The following NFILZ variants were observed in gnomAD, a reference collection of about 807,000 sequenced individuals.
NFILZ encodes NFIL3 like protein.
chr19:8,666,912 CTTTTTTT>C (rs35846585), intron 3 of NFILZ, among the ~76,000 whole-genome samples: 3 of 128,200 alleles, frequency 2.3e-5, no homozygotes, highest in Non-Finnish European at 4.8e-5. Flanking sequence ...TTTTTGAAAA[CTTTTTTT>C]TTTTTTTTTT....
chr19:8,653,038 TTCTCTCTCTCTCTCTCTCTCTCTCTC>T (rs1163296485), intron 3 of NFILZ, among the ~76,000 whole-genome samples: 6 of 90,594 alleles, frequency 6.6e-5, no homozygotes, highest in African/African-American at 1.4e-4. Flanking sequence ...CTTTCTTTCT[TTCTCTCTCTCTCTCTCTCTCTCTCTC>T]TCTCTCTCTC....
rs563247740 is a variant in NFILZ, at chr19:8,676,422, C to A, written c.-50C>A. ...ATCTTACCTTGGAACTCCAATTGAA[C>A]TGAGCCCTGGGCTTGTCTGCTGACC... On this transcript the variant is annotated 5_prime_UTR_variant, in exon 5 of 6. It adds an upstream start codon to the 5' untranslated region. Transcript: ENST00000691075. Among the ~76,000 whole-genome samples, 9 of 152,344 alleles carry A rather than the reference C, an allele frequency of 5.9e-5. No homozygotes were observed. The South Asian group carries it at 8.3e-4, about 14-fold the overall frequency.
At chr19:8,662,774 T>A (rs1419179026) in intron 3 of NFILZ, among the ~76,000 whole-genome samples, 1 of 149,082 alleles carries the variant, frequency 6.7e-6, no homozygotes, top group Non-Finnish European at 1.5e-5. Flanking sequence ...GTAGCTGGGA[T>A]TACAGGCACC....
Position 8,632,505 on chromosome 19 carries a change from C to T in NFILZ, c.-381C>T, listed in dbSNP as rs1555745663. ...GAAGCCGGCCCAAACCCATCAAGAC[C>T]AAGATGATGACATGAGTGACCTCTG... On this transcript the variant is annotated 5_prime_UTR_variant, in exon 2 of 6. Transcript: ENST00000691075. 2 of 152,042 alleles carry T rather than the reference C, an allele frequency of 1.3e-5. No homozygotes were observed. The highest frequency in any genetic ancestry group is 2.9e-5 in the Non-Finnish European group (2 of 68,054). The allele number at this position is 152,042 out of a possible 1,614,324, so 9.4% of individuals were successfully genotyped here.
chr19:8,666,660 C>G (rs533585351), intron 3 of NFILZ, among the ~76,000 whole-genome samples: 83 of 152,086 alleles, frequency 5.5e-4, no homozygotes, highest in Non-Finnish European at 9.7e-4. Flanking sequence ...ATAAATTACT[C>G]TTATGACATT....
intron 3 of NFILZ, among the ~76,000 whole-genome samples, chr19:8,649,525 C>T (rs2042955984): frequency 6.6e-6 from 1 of 152,054 alleles, no homozygotes; most frequent in Non-Finnish European, 1.5e-5. Context: ...CCTTGGCCTC[C>T]CGAAGTGCTG....
chr19:8,640,813 A>C (rs1555746590), intron 3 of NFILZ, among the ~76,000 whole-genome samples: 1 of 152,188 alleles, frequency 6.6e-6, no homozygotes, highest in Non-Finnish European at 1.5e-5. Context: ...GCACCTTGCA[A>C]GGGGCAGGGG....
At position 8,678,912 on chromosome 19, in the gene NFILZ, G is replaced by A. The variant is rs2043131803; in HGVS notation, c.*1277G>A. On this transcript the variant is annotated 3_prime_UTR_variant, in exon 6 of 6. Transcript: ENST00000691075. Reference sequence around the variant, plus strand: ...GTCTTGGGTTTCCTGTCCTGGGGTAGGAATGGGTGTTTGGGAAGAAACATA... The same window carrying A: ...GTCTTGGGTTTCCTGTCCTGGGGTAAGAATGGGTGTTTGGGAAGAAACATA... 6.6e-6 allele frequency among the ~76,000 whole-genome samples: 1 copy of A among 152,184 alleles called. No homozygotes were observed.
At chr19:8,637,591 C>T (rs1287734649) in intron 3 of NFILZ, among the ~76,000 whole-genome samples, 2 of 134,202 alleles carry the variant, frequency 1.5e-5, no homozygotes, top group African/African-American at 2.8e-5. Flanking sequence ...CCAGCCTAGG[C>T]GACAGAGTGA....
In NFILZ at chr19:8,664,936, T is replaced by A. The variant is rs80140927; in HGVS notation, c.-163-9615T>A. Among the ~76,000 whole-genome samples, 327 of 152,204 alleles carry A rather than the reference T, an allele frequency of 2.1e-3. 6 individuals are homozygous for A. The East Asian group carries it at 0.056, about 26-fold the overall frequency. ...TATCAAGGCAACCTTGCTTGGTTAG[T>A]GAGCTGGAATTCTTACAAAATCCTT... On this transcript the variant is annotated intron_variant, in intron 3 of 5. Transcript: ENST00000691075.
intron 3 of NFILZ, among the ~76,000 whole-genome samples, chr19:8,653,001 TTC>T (rs2042973542): frequency 0.018 from 405 of 22,722 alleles, no homozygotes; most frequent in Non-Finnish European, 0.023. Flanking sequence ...CCTTCCTTCC[TTC>T]CTTCCTTCCT....
chr19:8,656,341 A>AAGCCCACCTCCTCCCAC (rs2042996451), intron 3 of NFILZ, among the ~76,000 whole-genome samples: 1 of 30,330 alleles, frequency 3.3e-5, no homozygotes, highest in Admixed American at 2.6e-4. Flanking sequence ...CTTCTTCCTG[A>AAGCCCACCTCCTCCCAC]AGCCCACCTC....
chr19:8,632,809 G>A (rs1555745693), intron 2 of NFILZ, among the ~76,000 whole-genome samples, 184 bp downstream of exon 2: 2 of 149,596 alleles, frequency 1.3e-5, no homozygotes, highest in African/African-American at 4.9e-5. Context: ...TGCAACCTCC[G>A]CCTCCCAGGT....
chr19:8,655,067 C>T (rs1270170172), intron 3 of NFILZ, among the ~76,000 whole-genome samples: 1 of 152,218 alleles, frequency 6.6e-6, no homozygotes, highest in Non-Finnish European at 1.5e-5. Flanking sequence ...TAGTACTTAG[C>T]TCCACTTCTT....
chr19:8,663,754 G>GTGTATGTGTGTGTATGTGTGTA (rs1555674962), intron 3 of NFILZ, among the ~76,000 whole-genome samples: 6 of 117,564 alleles, frequency 5.1e-5, no homozygotes, highest in South Asian at 2.4e-4. Context: ...GTGTGTGTGT[G>GTGTATGTGTGTGTATGTGTGTA]TGTGTGTGTG....
chr19:8,651,189 T>C (rs1380168112), intron 3 of NFILZ, among the ~76,000 whole-genome samples: 2 of 152,188 alleles, frequency 1.3e-5, no homozygotes, highest in African/African-American at 4.8e-5. Context: ...TTAGATGGAA[T>C]CTTGCTCTGT....
At chr19:8,649,978 G>C (rs2146146358) in intron 3 of NFILZ, among the ~76,000 whole-genome samples, 1 of 152,104 alleles carries the variant, frequency 6.6e-6, no homozygotes, top group Middle Eastern at 3.4e-3. Flanking sequence ...AGCCGGTCTT[G>C]GTCGTGGGCG....
Position 8,678,073 on chromosome 19 carries a change from CATCA to C in NFILZ, c.*442_*445del, listed in dbSNP as rs1312561253. ...CCATCCACCCATCTATTCATCCATC[CATCA>C]ATCCATCCATCCATTCCATCCATCC... On this transcript the variant is annotated 3_prime_UTR_variant, in exon 6 of 6. Transcript: ENST00000691075. 2.2e-3 allele frequency among the ~76,000 whole-genome samples: 14 copies of C among 6,416 alleles called. No individual in the cohort carries two copies. Among genetic ancestry groups the C allele is most frequent in the Non-Finnish European group, 3.4e-3 (7 of 2,074 alleles). The allele number at this position is 6,416 out of a possible 152,430, so 4.2% of individuals were successfully genotyped here.
At chr19:8,656,508 TTCTC>T (rs2043003989) in intron 3 of NFILZ, among the ~76,000 whole-genome samples, 2 of 116,582 alleles carry the variant, frequency 1.7e-5, no homozygotes, top group African/African-American at 3.3e-5. Context: ...GCAGCCCACC[TTCTC>T]CTGCAGCCCA....
Sources: gnomAD v4.1 joint callset for allele counts (sites outside exome capture counted in the v4.1 genomes callset) on GRCh38, gnomAD v4.1.1 for gene constraint, MANE v1.5 for transcripts, NCBI Gene and HGNC (gene_info 2026-07-23, HGNC 2026-07-21) for gene names.